Variants in NECTIN2 observed in about 807,000 individuals in gnomAD.
The protein encoded by NECTIN2 is nectin cell adhesion molecule 2.
Under a neutral mutation model 56.9 loss-of-function variants are expected in NECTIN2, and 23 were observed. That is an observed-to-expected ratio of 0.40 (90% CI 0.29 to 0.57). The LOEUF (loss-of-function observed/expected upper bound fraction) is 0.57. Among genes scored for constraint, NECTIN2 ranks in the 20% least tolerant of loss-of-function variants. NECTIN2 has a pLI of 0.38. For missense variants in NECTIN2, 587 were observed against 718.3 expected (o/e 0.82, Z 2.09); for synonymous variants, 302 against 313.8 (o/e 0.96, Z 0.40).
intron 5 of NECTIN2, among the ~76,000 whole-genome samples, chr19:44,881,212 C>T (rs1021574781): frequency 1.3e-5 from 2 of 152,088 alleles, no homozygotes; most frequent in African/African-American, 4.8e-5. Flanking sequence ...CAAGCCCTAA[C>T]CCCCTTCCTG....
intron 1 of NECTIN2, among the ~76,000 whole-genome samples, chr19:44,847,619 T>G (rs1968851117): frequency 6.6e-6 from 1 of 151,832 alleles, no homozygotes; most frequent in South Asian, 2.1e-4. Flanking sequence ...AGGCCCCGAG[T>G]CCCAGAGGCT....
At chr19:44,871,162 G>A (rs888881552) in intron 2 of NECTIN2, among the ~76,000 whole-genome samples, 8 of 152,042 alleles carry the variant, frequency 5.3e-5, no homozygotes, top group East Asian at 3.9e-4. Context: ...CACCACGCCC[G>A]ACCAGCTTTT....
intron 1 of NECTIN2, among the ~76,000 whole-genome samples, chr19:44,853,393 C>A (rs371410516): frequency 2.6e-4 from 39 of 151,808 alleles, no homozygotes; most frequent in African/African-American, 9.2e-4. Flanking sequence ...GACGTGGTTT[C>A]ACCGTGTTAG....
intron 6 of NECTIN2, among the ~76,000 whole-genome samples, chr19:44,885,297 A>ATCTT (rs1361125591): frequency 1.6e-5 from 2 of 127,592 alleles, no homozygotes; most frequent in Admixed American, 8.1e-5. Context: ...CGCCTGGCTG[A>ATCTT]TCTTTCTTTC....
intron 1 of NECTIN2, among the ~76,000 whole-genome samples, chr19:44,850,719 C>A (rs1001568985): frequency 6.6e-6 from 1 of 152,168 alleles, no homozygotes; most frequent in African/African-American, 2.4e-5. Context: ...AGACAGACAG[C>A]CCTACATCCT....
rs535550904 is a variant in NECTIN2, at chr19:44,872,443, G to T, written c.775+294G>T. Among the ~76,000 whole-genome samples, 5 of 152,266 alleles carry T rather than the reference G, an allele frequency of 3.3e-5. No individual in the cohort carries two copies. In the East Asian group the frequency reaches 9.6e-4, roughly 29 times the overall value. On this transcript the variant is annotated intron_variant, in intron 3 of 8. Transcript: ENST00000252483. ...TCTTTCCAATTCCACATCCAATGAA[G>T]TCTTCTCGGTAGCTTGAAATCAACC...
intron 5 of NECTIN2, among the ~76,000 whole-genome samples, chr19:44,877,857 T>C (rs1201357901): frequency 6.6e-6 from 1 of 152,242 alleles, no homozygotes. Context: ...TTGGTGTTGC[T>C]AGATCTGATT....
Position 44,874,561 on chromosome 19 carries a change from G to A in NECTIN2, c.1042+83G>A. The A allele has an allele frequency of 6.4e-7, 1 of 1,554,574 alleles. No homozygotes were observed. The highest frequency in any genetic ancestry group is 8.7e-7 in the Non-Finnish European group (1 of 1,143,198). On this transcript the variant is annotated intron_variant, in intron 5 of 8. Coordinates refer to ENST00000252483, the MANE Select transcript of NECTIN2 (RefSeq NM_001042724.2). This position sits in a 1 kb window ranked among gnomAD's most constrained non-coding sequence, Gnocchi z 6.3. The stretch of plus-strand genomic sequence containing the variant: ...CCCTTCAGGACTTGGGGCTGCACTG[G>A]GGGAGGCTGCGCCGCCGACCTGGGA...
intron 1 of NECTIN2, among the ~76,000 whole-genome samples, chr19:44,848,754 TTCTC>T (rs1421572830): frequency 6.6e-6 from 1 of 151,136 alleles, no homozygotes; most frequent in African/African-American, 2.4e-5. Context: ...TTCTCACCCT[TTCTC>T]TCTCCATCCC....
At chr19:44,882,690 C>CAAAA (rs35741405) in intron 6 of NECTIN2, among the ~76,000 whole-genome samples, 14 of 38,162 alleles carry the variant, frequency 3.7e-4, no homozygotes, top group South Asian at 1.2e-3. Context: ...CCCCCATCTA[C>CAAAA]AAAAAAAAAA....
Position 44,865,250 on chromosome 19 carries a change from C to A in NECTIN2, c.89-21C>A, listed in dbSNP as rs1192004131. The A allele has an allele frequency of 6.3e-7, 1 of 1,591,558 alleles. No homozygotes were observed. The highest frequency in any genetic ancestry group is 1.7e-5 in the Admixed American group (1 of 58,928). ...GTCCCTCCCCCACCCGACTACTTCA[C>A]TCTCTGTCCTCTCTGCCCAGGAGCC... On this transcript the variant is annotated intron_variant, in intron 1 of 8. Coordinates refer to ENST00000252483, the MANE Select transcript of NECTIN2 (RefSeq NM_001042724.2). The surrounding 1 kb of genome is among the most constrained non-coding windows in gnomAD (Gnocchi z 5.2).
At position 44,871,902 on chromosome 19, in the gene NECTIN2, C is replaced by T. The variant is rs1969178728; in HGVS notation, c.528C>T (p.Asp176=). The T allele has an allele frequency of 6.2e-7, 1 of 1,614,068 alleles. No individual in the cohort carries two copies. Among genetic ancestry groups the T allele is most frequent in the Non-Finnish European group, 8.5e-7 (1 of 1,180,036 alleles). ...CCCAGAAGGTCACGTTCAGCCAGGA[C>T]CCTACGACAGTGGCCCTCTGCATCT... ...AEAQKVTFSQ[D]PTTVALCISK... The change falls in exon 3 of 9, where the codon GAC becomes GAT. Residue 176 remains aspartate (D), a synonymous_variant. Transcript: ENST00000252483.
chr19:44,851,140 TC>T (rs1326383017), intron 1 of NECTIN2, among the ~76,000 whole-genome samples: 1 of 117,564 alleles, frequency 8.5e-6, no homozygotes, highest in Non-Finnish European at 1.8e-5. Flanking sequence ...CCATCCCTAA[TC>T]CCTCAGACCT....
intron 6 of NECTIN2, among the ~76,000 whole-genome samples, chr19:44,883,431 C>A (rs140864055): frequency 6.6e-6 from 1 of 152,100 alleles, no homozygotes; most frequent in Non-Finnish European, 1.5e-5. Context: ...CGCGCCACCA[C>A]GCCCGGCTAA....
intron 6 of NECTIN2, among the ~76,000 whole-genome samples, chr19:44,883,571 A>G (rs1035674231): frequency 6.6e-6 from 1 of 152,208 alleles, no homozygotes; most frequent in Non-Finnish European, 1.5e-5. Context: ...CACTGCGCCC[A>G]GCCAATGCCA....
At position 44,878,857 on chromosome 19, in the gene NECTIN2, G is replaced by C. The variant is rs1010197470; in HGVS notation, c.1043-3354G>C. Reference sequence around the variant, plus strand: ...TAGTGGGGATCCAGAGAGGACCCCCGCCCCCAGAGACTTGGTTTTGGCTCC... The same window carrying C: ...TAGTGGGGATCCAGAGAGGACCCCCCCCCCCAGAGACTTGGTTTTGGCTCC... On this transcript the variant is annotated intron_variant, in intron 5 of 8. Transcript: ENST00000252483. The C allele has an allele frequency of 5.4e-6, 7 of 1,302,860 alleles. No homozygotes were observed. The African/African-American group carries it at 1.1e-4, about 20-fold the overall frequency. 80.7% of individuals were successfully genotyped at this position (1,302,860 alleles called of 1,614,324 possible).
chr19:44,866,749 A>T (rs1969105792), intron 2 of NECTIN2, among the ~76,000 whole-genome samples: 1 of 152,032 alleles, frequency 6.6e-6, no homozygotes, highest in Admixed American at 6.6e-5. Flanking sequence ...TTGCCCAGGG[A>T]GGATAAGAGC....
At chr19:44,866,046 C>T (rs780981504) in intron 2 of NECTIN2, among the ~76,000 whole-genome samples, 24 of 151,914 alleles carry the variant, frequency 1.6e-4, no homozygotes, top group Admixed American at 4.6e-4. Flanking sequence ...GTGGCCCGTG[C>T]CTATAATCCC....
Position 44,874,285 on chromosome 19 carries a change from C to G in NECTIN2, c.894-45C>G, listed in dbSNP as rs1306743406. On this transcript the variant is annotated intron_variant, in intron 4 of 8. Coordinates refer to ENST00000252483, the MANE Select transcript of NECTIN2 (RefSeq NM_001042724.2). The surrounding 1 kb of genome is among the most constrained non-coding windows in gnomAD (Gnocchi z 6.3). ...CTTTAGGGATGAGGCCTGTGCTCCCCTCTCGACCTTGGTATCCCTCTCACC... is the reference window on the plus strand; with the variant it reads ...CTTTAGGGATGAGGCCTGTGCTCCCGTCTCGACCTTGGTATCCCTCTCACC... The G allele has an allele frequency of 2.5e-6, 4 of 1,595,670 alleles. No individual in the cohort carries two copies. Among genetic ancestry groups the G allele is most frequent in the Non-Finnish European group, 3.4e-6 (4 of 1,163,732 alleles).
Sources: allele counts gnomAD v4.1 joint callset (sites outside exome capture counted in the v4.1 genomes callset), GRCh38; gene constraint gnomAD v4.1.1; non-coding constraint Gnocchi (gnomAD v3.1); transcripts MANE v1.5; gene names NCBI Gene and HGNC (gene_info 2026-07-23, HGNC 2026-07-21).